PDE2A: variants seen among roughly 807,000 people sequenced by gnomAD.
PDE2A encodes the protein phosphodiesterase 2A.
In PDE2A, 53 loss-of-function variants were observed where a neutral mutation model predicts 133.6. That is an observed-to-expected ratio of 0.40 (90% CI 0.32 to 0.50). The LOEUF (loss-of-function observed/expected upper bound fraction) is 0.50. Ranked by LOEUF, PDE2A falls within the 20% of genes least tolerant of loss-of-function variation. PDE2A has a pLI of 0.73. For synonymous variants in PDE2A, 491 were observed against 490.2 expected, an observed-to-expected ratio of 1.00 and a Z score of -0.02; for missense variants, 796 against 1,232.4, an observed-to-expected ratio of 0.65 and a Z score of 5.30.
rs746774086 is a variant in PDE2A at position 72,650,019 on chromosome 11, C to CTT, written c.72-7695_72-7694dup. Among the ~76,000 whole-genome samples the CTT allele has an allele frequency of 6.6e-4, 85 of 129,132 alleles. 1 individual carries two copies. Among genetic ancestry groups the CTT allele is most frequent in the Non-Finnish European group, 1.2e-3 (74 of 60,656 alleles). The allele number at this position is 129,132 out of a possible 152,430, so 84.7% of individuals were successfully genotyped here. A position where few individuals can be genotyped will look rare whatever the true frequency, so the allele number is the denominator to read the frequency against. ...GAGCAGTGCAGAGACAGCCCTGAGA[C>CTT]TTTTTTTTTTTTTTTTTTTTAGATG... On this transcript the variant is annotated intron_variant, in intron 1 of 30. Coordinates refer to ENST00000334456, the MANE Select transcript of PDE2A (RefSeq NM_002599.5).
chr11:72,596,703 A>G (rs1856507090), intron 5 of PDE2A, 55 bp from the exon 6 acceptor site: 4 of 1,209,192 alleles, frequency 3.3e-6, no homozygotes, highest in Non-Finnish European at 4.4e-6. Flanking sequence ...GCTCAGAGAT[A>G]CCGAGCCGGG....
rs769990412 is a variant in PDE2A at position 72,577,549 on chromosome 11, G to A, written c.2661C>T (p.Arg887=). ...TCCAGTGCTCACGGTTGGAGGCCAC[G>A]CGCTCGTACAGCTCTGCCGCTTTGG... ...LFPKAAELYE[R]VASNREHWTK... Residue 887 remains arginine, a synonymous_variant, in exon 31 of 31, where the codon CGC becomes CGT. Transcript: ENST00000334456. The A allele has an allele frequency of 7.5e-6, 12 of 1,609,528 alleles. No individual in the cohort carries two copies. Among genetic ancestry groups the A allele is most frequent in the Middle Eastern group, 1.7e-4 (1 of 6,048 alleles).
At chr11:72,586,275 T>C in intron 13 of PDE2A, 94 bp from the exon 14 acceptor site, 1 of 760,822 alleles carries the variant, frequency 1.3e-6, no homozygotes, top group African/African-American at 1.7e-5. Context: ...CCCACAGGGG[T>C]ACCCACCTGC....
At chr11:72,632,733 G>T (rs752618295) in intron 2 of PDE2A, among the ~76,000 whole-genome samples, 2 of 152,066 alleles carry the variant, frequency 1.3e-5, no homozygotes, top group Non-Finnish European at 1.5e-5. Context: ...CCCCTCCCCT[G>T]AGAGGAGGGA....
In PDE2A at chr11:72,596,644, C is replaced by G. The variant is rs78908206; in HGVS notation, c.438G>C (p.Leu146=). The change falls in exon 6 of 31, where the codon CTG becomes CTC. Residue 146 remains leucine, a synonymous_variant. Coordinates refer to ENST00000334456, the MANE Select transcript of PDE2A (RefSeq NM_002599.5). ...CCTCCTTGTCCGCTAGCGGCATGAC[C>G]AGCACTGAGGGGGAGAGGGCAATGA... The part of the protein sequence containing the change: ...VAPLAPDTQV[L]VMPLADKEAG... 1 of 1,497,216 alleles carries G rather than the reference C, an allele frequency of 6.7e-7. No individual in the cohort carries two copies. The highest frequency in any genetic ancestry group is 9.0e-7 in the Non-Finnish European group (1 of 1,115,034). 92.7% of individuals were successfully genotyped at this position (1,497,216 alleles called of 1,614,324 possible).
intron 2 of PDE2A, among the ~76,000 whole-genome samples, chr11:72,619,048 G>A (rs1016319602): frequency 6.9e-5 from 10 of 145,808 alleles, no homozygotes; most frequent in Non-Finnish European, 1.2e-4. Flanking sequence ...TGCACACAGC[G>A]TGCGCACACA....
At chr11:72,612,274 TCCAC>T (rs56142016) in intron 2 of PDE2A, among the ~76,000 whole-genome samples, 9,283 of 112,802 alleles carry the variant, frequency 0.082, 353 homozygotes, top group Non-Finnish European at 0.1. Context: ...GCACATCACA[TCCAC>T]ACACACACAC....
At chr11:72,625,044 CTGT>C (rs774728088) in intron 2 of PDE2A, among the ~76,000 whole-genome samples, 7 of 152,200 alleles carry the variant, frequency 4.6e-5, no homozygotes, top group Non-Finnish European at 7.3e-5. Flanking sequence ...CGGCTGTTTC[CTGT>C]TGTTGTGCTC....
At chr11:72,602,809 A>G (rs148769195) in intron 4 of PDE2A, among the ~76,000 whole-genome samples, 1 of 152,356 alleles carries the variant, frequency 6.6e-6, no homozygotes, top group Non-Finnish European at 1.5e-5. Context: ...GCTAGAATCC[A>G]GACCTGTCTG....
At chr11:72,595,365 G>A (rs1856431098) in intron 6 of PDE2A, among the ~76,000 whole-genome samples, 1 of 152,088 alleles carries the variant, frequency 6.6e-6, no homozygotes, top group African/African-American at 2.4e-5. Context: ...AAAGAATAGG[G>A]GGAGGCGACC....
rs550361329 is a variant in PDE2A at position 72,577,776 on chromosome 11, C to T, written c.2616-182G>A. On this transcript the variant is annotated intron_variant, in intron 30 of 30. Transcript: ENST00000334456. The stretch of plus-strand genomic sequence containing the variant: ...TCACCTGAAGTCAGGAGTTCAAGAC[C>T]AGCCTGACCAAAATGGTGAAGCCCC... 7.9e-5 allele frequency among the ~76,000 whole-genome samples: 12 copies of T among 152,050 alleles called. No individual in the cohort carries two copies. In the East Asian group the frequency reaches 1.6e-3, roughly 20 times the overall value.
chr11:72,583,558 TGA>T (rs764151351), intron 19 of PDE2A, 43 bp from the exon 20 acceptor site: 1 of 1,391,918 alleles, frequency 7.2e-7, no homozygotes, highest in Non-Finnish European at 1.0e-6. Context: ...AAGGTGGCTG[TGA>T]AAATTTAGCA....
intron 2 of PDE2A, among the ~76,000 whole-genome samples, chr11:72,622,902 A>T (rs11235551): frequency 0.36 from 55,360 of 152,044 alleles, 11,234 homozygotes; most frequent in Middle Eastern, 0.51. Flanking sequence ...AAATGAAAGA[A>T]CAGATAGGGG....
intron 2 of PDE2A, among the ~76,000 whole-genome samples, chr11:72,618,119 G>A (rs957628198): frequency 1.3e-5 from 2 of 152,096 alleles, no homozygotes; most frequent in Non-Finnish European, 2.9e-5. Context: ...AGAGTGACAG[G>A]CTCCGAGCAA....
chr11:72,592,888 G>A (rs767140725), intron 6 of PDE2A, among the ~76,000 whole-genome samples: 14 of 152,060 alleles, frequency 9.2e-5, no homozygotes, highest in African/African-American at 2.7e-4. Flanking sequence ...CAGCGGGGGC[G>A]GGAGGGAGGA....
At chr11:72,631,145 G>C (rs1211130071) in intron 2 of PDE2A, 1 of 1,544,504 alleles carries the variant, frequency 6.5e-7, no homozygotes. Flanking sequence ...GCTGGCTGCA[G>C]AGACAAGAAG....
At chr11:72,584,107 C>A (rs947440657) in intron 19 of PDE2A, 94 bp downstream of exon 19, 5 of 709,900 alleles carry the variant, frequency 7.0e-6, no homozygotes, top group Admixed American at 6.6e-5. Context: ...AGGGATCAAT[C>A]CACAAGGAGA....
At position 72,583,623 on chromosome 11, in the gene PDE2A, T is replaced by C. The variant is rs149331335; in HGVS notation, c.1651-108A>G. On this transcript the variant is annotated intron_variant, in intron 19 of 30. Coordinates refer to ENST00000334456, the MANE Select transcript of PDE2A (RefSeq NM_002599.5). ...AAAAGACACCCCACTTCCTGTCCCA[T>C]TCTGGCCCCAGTCAAAACCTTCAAG... 746 of 762,300 alleles carry C rather than the reference T, an allele frequency of 9.8e-4. 10 individuals are homozygous for C. Among genetic ancestry groups the C allele is most frequent in the African/African-American group, 9.8e-3 (570 of 58,448 alleles). The allele number at this position is 762,300 out of a possible 1,614,324, so 47.2% of individuals were successfully genotyped here.
chr11:72,671,618 G>T (rs927281130), intron 1 of PDE2A, among the ~76,000 whole-genome samples: 1 of 152,136 alleles, frequency 6.6e-6, no homozygotes, highest in Non-Finnish European at 1.5e-5. Flanking sequence ...GGGAATGACT[G>T]CGGGGGGTGG....
Sources: allele counts gnomAD v4.1 joint callset (sites outside exome capture counted in the v4.1 genomes callset), GRCh38; gene constraint gnomAD v4.1.1; transcripts MANE v1.5; gene names NCBI Gene and HGNC (gene_info 2026-07-23, HGNC 2026-07-21).